Variants in B4GALT6 observed in about 807,000 individuals in gnomAD.
B4GALT6 encodes the protein beta-1,4-galactosyltransferase 6.
In B4GALT6, 14 loss-of-function variants were observed where a neutral mutation model predicts 46.3. That is an observed-to-expected ratio of 0.30 (90% CI 0.20 to 0.47). The LOEUF is 0.47. Ranked by LOEUF, B4GALT6 falls within the 20% of genes least tolerant of loss-of-function variation. The probability of loss-of-function intolerance (pLI) is 0.99; values close to 1 mark genes in which losing one functional copy is unlikely to be tolerated. For synonymous variants in B4GALT6, 168 were observed against 162.0 expected (o/e 1.04, Z -0.28); for missense variants, 386 against 480.1 (o/e 0.80, Z 1.83).
intron 3 of B4GALT6, among the ~76,000 whole-genome samples, chr18:31,655,398 T>C (rs2074125472): frequency 2.0e-5 from 3 of 152,136 alleles, no homozygotes; most frequent in Admixed American, 2.0e-4. Context: ...ACTAGTGTGA[T>C]CCTCTCTTAT....
intron 3 of B4GALT6, among the ~76,000 whole-genome samples, chr18:31,649,390 G>C (rs1459074894): frequency 2.6e-5 from 4 of 152,244 alleles, no homozygotes; most frequent in African/African-American, 9.6e-5. Context: ...TGAATGAGTA[G>C]GAAGATTCCT....
At chr18:31,664,468 A>G (rs1240018543) in intron 2 of B4GALT6, among the ~76,000 whole-genome samples, 1 of 151,980 alleles carries the variant, frequency 6.6e-6, no homozygotes. Context: ...TAATCTAAGT[A>G]TGCATTGGTT....
chr18:31,645,866 A>G (rs1187220009), intron 3 of B4GALT6, among the ~76,000 whole-genome samples: 1 of 152,236 alleles, frequency 6.6e-6, no homozygotes. Flanking sequence ...CAGGGGACAC[A>G]ATGGCACAGT....
At chr18:31,642,247 A>G (rs1459944567) in intron 4 of B4GALT6, among the ~76,000 whole-genome samples, 2 of 152,062 alleles carry the variant, frequency 1.3e-5, no homozygotes, top group Non-Finnish European at 2.9e-5. Flanking sequence ...GTGTGATCAC[A>G]CCTCACTGCA....
chr18:31,699,913 T>G, the B4GALT6 span, among the ~76,000 whole-genome samples: 2 of 152,166 alleles, frequency 1.3e-5, no homozygotes, highest in Admixed American at 1.3e-4. Context: ...TTAAAGCTGA[T>G]TAGTCAAGTA....
chr18:31,658,932 G>C (rs1300030876), intron 2 of B4GALT6, among the ~76,000 whole-genome samples: 2 of 152,176 alleles, frequency 1.3e-5, no homozygotes, highest in Non-Finnish European at 2.9e-5. Flanking sequence ...CACAGGCTCA[G>C]GATTTTTGAA....
At chr18:31,656,422 CA>C (rs1216466723) in intron 3 of B4GALT6, among the ~76,000 whole-genome samples, 4 of 150,838 alleles carry the variant, frequency 2.7e-5, no homozygotes, top group Non-Finnish European at 4.4e-5. Context: ...GATACACACA[CA>C]AAAAAAAGCT....
chr18:31,680,754 T>C (rs1488838010), intron 1 of B4GALT6, among the ~76,000 whole-genome samples: 3 of 152,186 alleles, frequency 2.0e-5, no homozygotes, highest in Non-Finnish European at 4.4e-5. Flanking sequence ...CAAAGACCAG[T>C]CTCTCTCTGC....
chr18:31,697,275 G>GA, the B4GALT6 span, among the ~76,000 whole-genome samples: 1 of 151,634 alleles, frequency 6.6e-6, no homozygotes, highest in East Asian at 1.9e-4. Context: ...CCCCCACCCT[G>GA]AAAAAAAGAG....
rs1217856730 is a variant in B4GALT6, at chr18:31,626,330, G to T, written c.954C>A (p.Tyr318Ter). Reference protein sequence around the residue: ...VTRPEGDLGKYKSIPHHHRGE... With the variant: ...VTRPEGDLGK ...CTCTATGGTGATGAGGAATTGACTTGTATTTTCCTAAGTCTCCCTCTGGTC... is the reference window on the plus strand; with the variant it reads ...CTCTATGGTGATGAGGAATTGACTTTTATTTTCCTAAGTCTCCCTCTGGTC... Residue 318 changes from tyrosine (Y) to a stop codon, truncating the protein, a stop_gained, in exon 8 of 9, where the codon TAC (tyrosine) becomes TAA (stop). Transcript: ENST00000306851. LOFTEE classifies it high-confidence loss of function. The T allele has an allele frequency of 6.2e-7, 1 of 1,608,412 alleles. No individual in the cohort carries two copies.
intron 3 of B4GALT6, among the ~76,000 whole-genome samples, chr18:31,645,914 C>T (rs1364314391): frequency 6.6e-6 from 1 of 152,150 alleles, no homozygotes; most frequent in Non-Finnish European, 1.5e-5. Context: ...TGACTGGGAA[C>T]TGATTCCTAG....
At position 31,684,345 on chromosome 18, in the gene B4GALT6, A is replaced by C. The variant is rs577554431; in HGVS notation, c.82T>G (p.Cys28Gly). The change falls in exon 1 of 9, where the codon TGT (cysteine) becomes GGT (glycine). Residue 28 changes from cysteine (C) to glycine (G), a missense_variant. Physicochemically the swap from Cys to Gly is radical, Grantham distance 159 (BLOSUM62 -3). Around this residue, in one of 2 missense-constraint regions of B4GALT6, gnomAD observed 63 missense variants for 41.3 expected, o/e 1.53. Coordinates refer to ENST00000306851, the MANE Select transcript of B4GALT6 (RefSeq NM_004775.5). ...FIFFFSLSSS[C>G]LYFIYVAPGI... ...GGGGCCACATAGATGAAGTACAGACAGGACGAAGAGAGGGAGAAGAAGAAG... is the reference window on the plus strand; with the variant it reads ...GGGGCCACATAGATGAAGTACAGACCGGACGAAGAGAGGGAGAAGAAGAAG... 1.9e-5 allele frequency: 31 copies of C among 1,613,856 alleles called. 1 individual carries two copies. The South Asian group carries it at 3.1e-4, about 16-fold the overall frequency.
chr18:31,724,197 C>A, the B4GALT6 span: 1 of 266,536 alleles, frequency 3.8e-6, no homozygotes, highest in Non-Finnish European at 7.5e-6. Context: ...GCGCGGTTGC[C>A]AGGGGCGCCA....
intron 1 of B4GALT6, among the ~76,000 whole-genome samples, chr18:31,670,754 T>C (rs2074342588): frequency 6.6e-6 from 1 of 152,132 alleles, no homozygotes; most frequent in African/African-American, 2.4e-5. Context: ...TAAAATGTAA[T>C]GTCTTTTTTT....
intron 2 of B4GALT6, among the ~76,000 whole-genome samples, chr18:31,661,458 C>G (rs1334431744): frequency 1.3e-5 from 2 of 152,046 alleles, no homozygotes; most frequent in Non-Finnish European, 2.9e-5. Flanking sequence ...CTTAAAAATG[C>G]AAGAATATGA....
chr18:31,684,291 A>AG (rs1172909446), intron 1 of B4GALT6, 21 bp downstream of exon 1: 17 of 1,612,818 alleles, frequency 1.1e-5, no homozygotes, highest in Non-Finnish European at 1.4e-5. Context: ...AGGGGAAGCG[A>AG]GGGTGTGTCT....
intron 3 of B4GALT6, among the ~76,000 whole-genome samples, chr18:31,653,035 C>A (rs1286731383): frequency 1.4e-5 from 2 of 147,350 alleles, no homozygotes. Flanking sequence ...TTTTTTTTTG[C>A]CCCTAGACCC....
the B4GALT6 span, among the ~76,000 whole-genome samples, chr18:31,701,121 T>G: frequency 6.6e-6 from 1 of 152,306 alleles, no homozygotes; most frequent in African/African-American, 2.4e-5. Context: ...TCATGTTGAA[T>G]CGTAATCCCC....
chr18:31,677,814 G>T (rs1420379560), intron 1 of B4GALT6, among the ~76,000 whole-genome samples: 2 of 152,160 alleles, frequency 1.3e-5, no homozygotes, highest in Non-Finnish European at 2.9e-5. Flanking sequence ...CAAACCGCAG[G>T]CTCAGGCAGT....
Sources: gnomAD v4.1 joint callset for allele counts (sites outside exome capture counted in the v4.1 genomes callset) on GRCh38, gnomAD v4.1.1 for gene constraint, gnomAD v4.1.1 regional missense constraint, MANE v1.5 for transcripts, NCBI Gene and HGNC (gene_info 2026-07-23, HGNC 2026-07-21) for gene names.